The following MMP20 variants were observed in gnomAD, a reference collection of about 807,000 sequenced individuals.
MMP20 encodes matrix metallopeptidase 20.
In MMP20, 50 loss-of-function variants were observed where a neutral mutation model predicts 51.8. The ratio of observed to expected loss-of-function variants is 0.97; its 90% confidence interval spans 0.77 to 1.22. The LOEUF is 1.22. Among genes scored for constraint, MMP20 ranks in the 50% most tolerant of loss-of-function variants. MMP20 has a pLI of 0.00. For synonymous variants in MMP20, 244 were observed against 216.2 expected, an observed-to-expected ratio of 1.13 and a Z score of -1.13; for missense variants, 663 against 601.4, an observed-to-expected ratio of 1.10 and a Z score of -1.07.
Position 102,581,336 on chromosome 11 carries a change from T to G in MMP20, c.1248-2194A>C, listed in dbSNP as rs73580715. The stretch of plus-strand genomic sequence containing the variant: ...GGTTTGATCTGAGATTCTAAGTCAC[T>G]AAGGAGTTTAATCTTTAAACTTACT... On this transcript the variant is annotated intron_variant, in intron 8 of 9. Transcript: ENST00000260228. 6.3e-3 allele frequency among the ~76,000 whole-genome samples: 953 copies of G among 152,300 alleles called. 16 individuals are homozygous for G. The highest frequency in any genetic ancestry group is 0.022 in the African/African-American group (919 of 41,560).
At chr11:102,604,794 G>T (rs770517969) in intron 6 of MMP20, among the ~76,000 whole-genome samples, 3 of 152,120 alleles carry the variant, frequency 2.0e-5, no homozygotes, top group Admixed American at 1.3e-4. Flanking sequence ...ATTAAAATCC[G>T]TTGACAGGAA....
At chr11:102,611,005 G>A (rs1565398181) in intron 3 of MMP20, among the ~76,000 whole-genome samples, 1 of 151,762 alleles carries the variant, frequency 6.6e-6, no homozygotes, top group Non-Finnish European at 1.5e-5. Flanking sequence ...CACCAGGGGT[G>A]GCCTTTCTCT....
In MMP20 at chr11:102,606,613, A is replaced by G. The variant is rs1226475422; in HGVS notation, c.875T>C (p.Ile292Thr). The change falls in exon 6 of 10, where the codon ATC becomes ACC. Residue 292 changes from isoleucine to threonine, a missense_variant. Physicochemically the swap from Ile to Thr is moderately conservative, Grantham distance 89. Transcript: ENST00000260228. ...TGAGCTGGAGTCACAGAGGTCAGGG[A>G]TGGATGGCTTGTGATGGGGGGCATG... ...LPHAPHHKPS[I>T]PDLCDSSSSF... 1 of 1,613,974 alleles carries G rather than the reference A, an allele frequency of 6.2e-7. No individual in the cohort carries two copies. Among genetic ancestry groups the G allele is most frequent in the Admixed American group, 1.7e-5 (1 of 60,006 alleles).
chr11:102,589,549 C>T (rs962172488), intron 8 of MMP20, among the ~76,000 whole-genome samples: 1 of 152,154 alleles, frequency 6.6e-6, no homozygotes, highest in Non-Finnish European at 1.5e-5. Context: ...CCTTTCAATG[C>T]CATAATTCTA....
chr11:102,620,358 C>T (rs1859734358), intron 1 of MMP20, among the ~76,000 whole-genome samples: 1 of 152,200 alleles, frequency 6.6e-6, no homozygotes, highest in Admixed American at 6.5e-5. Context: ...TTCTATCAGG[C>T]ACTTAGGTGT....
intron 9 of MMP20, among the ~76,000 whole-genome samples, chr11:102,578,777 CAAA>C (rs1555074477): frequency 3.0e-5 from 3 of 100,260 alleles, no homozygotes; most frequent in East Asian, 3.2e-4. Flanking sequence ...AAACAAAAAA[CAAA>C]ACACACACAC....
At chr11:102,592,725 A>T (rs995292444) in intron 8 of MMP20, among the ~76,000 whole-genome samples, 9 of 152,208 alleles carry the variant, frequency 5.9e-5, no homozygotes, top group African/African-American at 2.2e-4. Flanking sequence ...CAAAAAAGAG[A>T]AAACTGGGAA....
intron 5 of MMP20, chr11:102,606,961 C>T (rs1859526417): frequency 4.7e-6 from 2 of 427,170 alleles, no homozygotes; most frequent in Non-Finnish European, 8.7e-6. Context: ...TAAATAATTC[C>T]TGTAAAGCAG....
In MMP20 at chr11:102,612,016, C is replaced by T. The variant is rs1175744084; in HGVS notation, c.375-113G>A. On this transcript the variant is annotated intron_variant, in intron 2 of 9. Coordinates refer to ENST00000260228, the MANE Select transcript of MMP20 (RefSeq NM_004771.4). ...GTAAATCTACAATTTAGATTTTTCT[C>T]TGAAATAATAATTCTTATTTTGCTT... 3.0e-6 allele frequency: 3 copies of T among 1,003,338 alleles called. No individual in the cohort carries two copies. The African/African-American group carries it at 4.9e-5, about 16-fold the overall frequency. 62.2% of individuals were successfully genotyped at this position (1,003,338 alleles called of 1,614,324 possible).
chr11:102,616,159 G>T (rs1037503809), intron 2 of MMP20, among the ~76,000 whole-genome samples: 2 of 152,144 alleles, frequency 1.3e-5, no homozygotes, highest in Admixed American at 1.3e-4. Context: ...GGAGCTTGGG[G>T]CTAAGAGTGG....
intron 8 of MMP20, among the ~76,000 whole-genome samples, chr11:102,589,870 A>T (rs1393274138): frequency 6.6e-6 from 1 of 152,192 alleles, no homozygotes; most frequent in Admixed American, 6.5e-5. Context: ...TTATTTATTT[A>T]TGGTGACTAT....
rs2509019 is a variant in MMP20 at position 102,608,687 on chromosome 11, T to C, written c.811+250A>G. Among the ~76,000 whole-genome samples, 113,357 of 151,882 alleles carry C rather than the reference T, an allele frequency of 0.75. 42,533 individuals carry two copies. The highest frequency in any genetic ancestry group is 0.98 in the East Asian group (5,062 of 5,176). On this transcript the variant is annotated intron_variant, in intron 5 of 9. Coordinates refer to ENST00000260228, the MANE Select transcript of MMP20 (RefSeq NM_004771.4). ...CTAACCTGCACTCAAAGGAAAAACA[T>C]AAACCGACAAATGACTATATTTTCT... is the stretch of plus-strand genomic sequence containing the variant.
intron 1 of MMP20, 24 bp from the exon 2 acceptor site, chr11:102,617,083 G>A (rs150897495): frequency 1.5e-5 from 25 of 1,613,880 alleles, no homozygotes; most frequent in Middle Eastern, 3.3e-4. Flanking sequence ...GCAGGCTGAC[G>A]CGTCTACAGC....
intron 6 of MMP20, among the ~76,000 whole-genome samples, chr11:102,604,613 G>T (rs951931914): frequency 6.6e-6 from 1 of 152,132 alleles, no homozygotes; most frequent in African/African-American, 2.4e-5. Flanking sequence ...GAAAGCCTGG[G>T]TTCCTGGGCT....
intron 5 of MMP20, 24 bp downstream of exon 5, chr11:102,608,913 C>T (rs765744044): frequency 1.2e-6 from 2 of 1,612,412 alleles, no homozygotes; most frequent in East Asian, 4.5e-5. Context: ...CAGGGTGAGT[C>T]ATCAAAGAAG....
chr11:102,595,271 T>G (rs981915582), intron 6 of MMP20, among the ~76,000 whole-genome samples: 6 of 152,174 alleles, frequency 3.9e-5, no homozygotes, highest in Admixed American at 2.0e-4. Context: ...TTTTGGACCT[T>G]GGTAAACAGT....
chr11:102,577,294 C>T lies in MMP20; in HGVS notation c.*32G>A. 1 of 1,463,794 alleles carries T rather than the reference C, an allele frequency of 6.8e-7. No individual in the cohort carries two copies. The highest frequency in any genetic ancestry group is 9.6e-7 in the Non-Finnish European group (1 of 1,043,080). The allele number at this position is 1,463,794 out of a possible 1,614,324, so 90.7% of individuals were successfully genotyped here. On this transcript the variant is annotated 3_prime_UTR_variant, in exon 10 of 10. Transcript: ENST00000260228. ...CCAGTTAGAGGCTGCTTGTAGTCATCCTCATTGCTTGAGAAGACTAGGCTT... is the reference window on the plus strand; with the variant it reads ...CCAGTTAGAGGCTGCTTGTAGTCATTCTCATTGCTTGAGAAGACTAGGCTT...
At chr11:102,623,537 C>A (rs1383316678) in intron 1 of MMP20, among the ~76,000 whole-genome samples, 1 of 152,206 alleles carries the variant, frequency 6.6e-6, no homozygotes, top group Non-Finnish European at 1.5e-5. Flanking sequence ...CTACTTCCCA[C>A]GTCCATGAAA....
intron 8 of MMP20, among the ~76,000 whole-genome samples, chr11:102,588,650 T>C (rs1048951233): frequency 6.6e-6 from 1 of 152,256 alleles, no homozygotes; most frequent in South Asian, 2.1e-4. Flanking sequence ...TATGCATTTA[T>C]ACTGTCTTTT....
Sources: gnomAD v4.1 joint callset for allele counts (sites outside exome capture counted in the v4.1 genomes callset) on GRCh38, gnomAD v4.1.1 for gene constraint, MANE v1.5 for transcripts, NCBI Gene and HGNC (gene_info 2026-07-23, HGNC 2026-07-21) for gene names.